The following MOCOS variants were observed in gnomAD, a reference collection of about 807,000 sequenced individuals.
MOCOS encodes the protein molybdenum cofactor sulfurase, also known as human molybdenum cofactor sulfurase.
A neutral mutation model predicts 83.6 loss-of-function variants in MOCOS; 86 were observed. The ratio of observed to expected loss-of-function variants is 1.03; its 90% CI spans 0.86 to 1.23. The LOEUF (loss-of-function observed/expected upper bound fraction) is 1.23, where lower values mean the gene tolerates loss of function less well. Among genes scored for constraint, MOCOS ranks in the 50% most tolerant of loss-of-function variants. The probability of loss-of-function intolerance (pLI) is 0.00; values close to 1 mark genes in which losing one functional copy is unlikely to be tolerated. For synonymous variants in MOCOS, 445 were observed against 434.7 expected (o/e 1.02, Z -0.29); for missense variants, 1,120 against 1,126.9 (o/e 0.99, Z 0.09).
chr18:36,209,279 A>G lies in MOCOS; in HGVS notation c.1218+4003A>G, dbSNP rs530413270. 2.6e-5 allele frequency among the ~76,000 whole-genome samples: 4 copies of G among 152,086 alleles called. No homozygotes were observed. In the South Asian group the frequency reaches 8.3e-4, roughly 32 times the overall value. On this transcript the variant is annotated intron_variant, in intron 6 of 14. Transcript: ENST00000261326. Reference sequence around the variant, plus strand: ...CTGCAGCCTTGACCTCCCTGGCTTAAGTGATCCTCCCACCTCAGCTTCCCG... The same window carrying G: ...CTGCAGCCTTGACCTCCCTGGCTTAGGTGATCCTCCCACCTCAGCTTCCCG...
At chr18:36,263,755 C>G (rs1276515606) in intron 13 of MOCOS, among the ~76,000 whole-genome samples, 1 of 152,122 alleles carries the variant, frequency 6.6e-6, no homozygotes, top group African/African-American at 2.4e-5. Flanking sequence ...CTTCAAGCTT[C>G]TGTATTGTTT....
chr18:36,212,591 A>T (rs768815687), intron 6 of MOCOS, among the ~76,000 whole-genome samples: 1 of 152,196 alleles, frequency 6.6e-6, no homozygotes, highest in Non-Finnish European at 1.5e-5. Context: ...AGTTCAACCC[A>T]GAGAATGGCT....
At chr18:36,223,498 G>A (rs927976547) in intron 9 of MOCOS, among the ~76,000 whole-genome samples, 10 of 152,136 alleles carry the variant, frequency 6.6e-5, no homozygotes, top group African/African-American at 2.4e-4. Flanking sequence ...TATAGCTATA[G>A]TGATATATTT....
chr18:36,187,735 C>T, intron 1 of MOCOS, 54 bp downstream of exon 1: 4 of 1,249,646 alleles, frequency 3.2e-6, no homozygotes, highest in Non-Finnish European at 4.0e-6. Flanking sequence ...CCGACGTGGA[C>T]GGATCTTTTG....
intron 10 of MOCOS, among the ~76,000 whole-genome samples, chr18:36,249,288 A>G (rs910401568): frequency 6.6e-6 from 1 of 152,080 alleles, no homozygotes; most frequent in Non-Finnish European, 1.5e-5. Context: ...TTTCATCTCC[A>G]ACAGGTCTCT....
At chr18:36,252,959 T>C (rs572021572) in intron 11 of MOCOS, among the ~76,000 whole-genome samples, 4 of 152,318 alleles carry the variant, frequency 2.6e-5, no homozygotes, top group South Asian at 2.1e-4. Context: ...ACTCATTTTA[T>C]TGAAGTTAGA....
chr18:36,249,066 T>C, intron 10 of MOCOS, 66 bp downstream of exon 10: 2 of 1,333,732 alleles, frequency 1.5e-6, no homozygotes, highest in Non-Finnish European at 2.2e-6. Flanking sequence ...GGGAAGAGGG[T>C]AATGCCCTAT....
At chr18:36,244,210 C>G (rs1239403746) in intron 9 of MOCOS, among the ~76,000 whole-genome samples, 3 of 151,380 alleles carry the variant, frequency 2.0e-5, no homozygotes, top group Non-Finnish European at 4.4e-5. Flanking sequence ...GAGGTGTGAC[C>G]TTAGATTATT....
At chr18:36,235,672 G>A (rs1247944843) in intron 9 of MOCOS, among the ~76,000 whole-genome samples, 2 of 151,376 alleles carry the variant, frequency 1.3e-5, no homozygotes, top group Admixed American at 1.3e-4. Flanking sequence ...GGGTCAAATG[G>A]TATTTCTAGT....
In MOCOS at chr18:36,187,503, CCCG is replaced by C. The variant is rs2091345035; in HGVS notation, c.-36_-34del. 8 of 1,227,476 alleles carry C rather than the reference CCCG, an allele frequency of 6.5e-6. No individual in the cohort carries two copies. The highest frequency in any genetic ancestry group is 8.1e-6 in the Non-Finnish European group (8 of 984,762). 76.0% of individuals were successfully genotyped at this position (1,227,476 alleles called of 1,614,324 possible). A position where few individuals can be genotyped will look rare whatever the true frequency, so the allele number is the denominator to read the frequency against. On this transcript the variant is annotated 5_prime_UTR_variant, in exon 1 of 15. Transcript: ENST00000261326. ...CGCCGGGGGCCGGCTTCGCGCACTT[CCCG>C]GGCCCGGCCGGCCTGGATGGACTAG...
intron 1 of MOCOS, among the ~76,000 whole-genome samples, chr18:36,188,591 G>A (rs2144888633): frequency 6.6e-6 from 1 of 152,344 alleles, no homozygotes; most frequent in African/African-American, 2.4e-5. Context: ...GGGCACCGGG[G>A]TTTGAGTGTA....
intron 7 of MOCOS, among the ~76,000 whole-genome samples, chr18:36,214,602 G>T (rs1413606114): frequency 6.6e-6 from 1 of 152,148 alleles, no homozygotes; most frequent in African/African-American, 2.4e-5. Flanking sequence ...GAGTGGCAAA[G>T]AGTGTTTATT....
chr18:36,262,698 C>T (rs760588892), intron 13 of MOCOS, among the ~76,000 whole-genome samples: 1 of 152,136 alleles, frequency 6.6e-6, no homozygotes, highest in Non-Finnish European at 1.5e-5. Context: ...GGGATTTCAC[C>T]ATGTTGGCCA....
chr18:36,233,162 A>C (rs551905043), intron 9 of MOCOS, among the ~76,000 whole-genome samples: 3 of 152,106 alleles, frequency 2.0e-5, no homozygotes, highest in Admixed American at 2.0e-4. Context: ...ATAATCTTTT[A>C]TCTCTCAACT....
At chr18:36,239,038 G>C (rs1219974570) in intron 9 of MOCOS, among the ~76,000 whole-genome samples, 9 of 151,282 alleles carry the variant, frequency 5.9e-5, no homozygotes. Context: ...CTCTGCATGT[G>C]AGATGGGTTT....
intron 9 of MOCOS, among the ~76,000 whole-genome samples, chr18:36,238,626 G>C (rs1332951779): frequency 6.9e-6 from 1 of 144,128 alleles, no homozygotes; most frequent in Non-Finnish European, 1.5e-5. Flanking sequence ...TTGGGGTGGA[G>C]AGTTCTGTAG....
intron 4 of MOCOS, among the ~76,000 whole-genome samples, chr18:36,202,062 T>C (rs946809530): frequency 6.6e-5 from 10 of 152,136 alleles, no homozygotes; most frequent in Non-Finnish European, 7.3e-5. Flanking sequence ...TTACAACAGA[T>C]GACACGCCAA....
At chr18:36,264,486 T>A (rs984657249) in intron 13 of MOCOS, among the ~76,000 whole-genome samples, 11 of 152,190 alleles carry the variant, frequency 7.2e-5, no homozygotes, top group Non-Finnish European at 1.5e-5. Context: ...CTCGTTCCAC[T>A]GCAGGGATCC....
At chr18:36,257,109 T>C in intron 12 of MOCOS, 36 bp downstream of exon 12, 2 of 1,570,492 alleles carry the variant, frequency 1.3e-6, no homozygotes, top group African/African-American at 2.7e-5. Context: ...CAGACAAGCA[T>C]AACCATTTGC....
Sources: gnomAD v4.1 joint callset for allele counts (sites outside exome capture counted in the v4.1 genomes callset) on GRCh38, gnomAD v4.1.1 for gene constraint, MANE v1.5 for transcripts, NCBI Gene and HGNC (gene_info 2026-07-23, HGNC 2026-07-21) for gene names.